CWF19L2: variants seen among roughly 807,000 people sequenced by gnomAD.
CWF19L2 encodes the protein CWF19-like protein 2.
In CWF19L2, 98 loss-of-function variants were observed where a neutral mutation model predicts 111.7. That is an observed-to-expected ratio of 0.88 (90% confidence interval 0.75 to 1.04). The LOEUF is 1.04. CWF19L2 is among the 50% of genes least tolerant of loss of function. CWF19L2 has a pLI of 0.00. For missense variants in CWF19L2, 1,101 were observed against 1,051.4 expected (o/e 1.05, Z -0.65); for synonymous variants, 351 against 342.9 (o/e 1.02, Z -0.26).
intron 10 of CWF19L2, among the ~76,000 whole-genome samples, chr11:107,397,654 C>A (rs1161723976): frequency 6.6e-6 from 1 of 152,080 alleles, no homozygotes; most frequent in East Asian, 1.9e-4. Flanking sequence ...CAGTCTCTCT[C>A]CACCCTACTA....
At chr11:107,396,079 T>C (rs112257624) in intron 10 of CWF19L2, among the ~76,000 whole-genome samples, 329 of 152,280 alleles carry the variant, frequency 2.2e-3, no homozygotes, top group South Asian at 6.2e-3. Context: ...GTTGCTCCAT[T>C]TTGGGTACGC....
At chr11:107,445,749 A>G (rs75683853) in intron 3 of CWF19L2, among the ~76,000 whole-genome samples, 1,534 of 152,246 alleles carry the variant, frequency 0.01, 23 homozygotes, top group African/African-American at 0.035. Context: ...CATTTAGAGT[A>G]ATATAAAGGG....
intron 10 of CWF19L2, among the ~76,000 whole-genome samples, chr11:107,415,343 C>T (rs1338420385): frequency 6.6e-6 from 1 of 152,156 alleles, no homozygotes; most frequent in Non-Finnish European, 1.5e-5. Flanking sequence ...TCCAAGCCAC[C>T]AACCCACCTG....
intron 16 of CWF19L2, among the ~76,000 whole-genome samples, chr11:107,333,925 C>T (rs192763001): frequency 5.9e-5 from 9 of 152,296 alleles, no homozygotes; most frequent in Non-Finnish European, 1.0e-4. Flanking sequence ...GCAGGTCATA[C>T]GTTCTCTGTA....
chr11:107,361,783 G>A (rs1164507631), intron 12 of CWF19L2, among the ~76,000 whole-genome samples: 3 of 152,196 alleles, frequency 2.0e-5, no homozygotes, highest in Non-Finnish European at 4.4e-5. Flanking sequence ...CACTGTTATG[G>A]TGTATAGAAA....
intron 10 of CWF19L2, chr11:107,403,689 C>T (rs975358233): frequency 5.1e-6 from 4 of 785,166 alleles, no homozygotes; most frequent in Non-Finnish European, 7.0e-6. Flanking sequence ...ATGATGCTGC[C>T]CTGACTGCAC....
chr11:107,331,820 A>G (rs1413492559), intron 16 of CWF19L2, among the ~76,000 whole-genome samples: 2 of 152,224 alleles, frequency 1.3e-5, no homozygotes, highest in Non-Finnish European at 2.9e-5. Context: ...TGCTGTCACA[A>G]GCTTCTCTAT....
At position 107,390,056 on chromosome 11, in the gene CWF19L2, C is replaced by T; in HGVS notation, c.1872+18G>A. The T allele has an allele frequency of 6.2e-7, 1 of 1,608,128 alleles. No homozygotes were observed. The highest frequency in any genetic ancestry group is 8.5e-7 in the Non-Finnish European group (1 of 1,176,982). On this transcript the variant is annotated intron_variant, in intron 12 of 17. Transcript: ENST00000282251. ...TCAGCTTCTCAAAATTCAGAGGTAT[C>T]CTAGGAATATATCTTACCTTAGATG...
At chr11:107,432,878 C>T (rs1861483964) in intron 7 of CWF19L2, among the ~76,000 whole-genome samples, 1 of 152,020 alleles carries the variant, frequency 6.6e-6, no homozygotes, top group Admixed American at 6.6e-5. Context: ...CAGCACAGTG[C>T]TATCTAACAA....
At chr11:107,367,491 G>C (rs1280497500) in intron 12 of CWF19L2, among the ~76,000 whole-genome samples, 3 of 130,416 alleles carry the variant, frequency 2.3e-5, no homozygotes, top group Non-Finnish European at 4.8e-5. Context: ...GGAATACTAT[G>C]CAGCCATAAA....
intron 10 of CWF19L2, among the ~76,000 whole-genome samples, chr11:107,415,209 T>G (rs866465743): frequency 9.2e-5 from 14 of 152,174 alleles, no homozygotes; most frequent in African/African-American, 2.9e-4. Context: ...TCTTTGGGCC[T>G]TTAAATCTCT....
intron 10 of CWF19L2, among the ~76,000 whole-genome samples, chr11:107,412,491 C>G (rs1861171134): frequency 1.3e-5 from 2 of 152,174 alleles, no homozygotes; most frequent in African/African-American, 4.8e-5. Flanking sequence ...CAGGTGCCCA[C>G]CACCATGCCC....
rs868721995 is a variant in CWF19L2, at chr11:107,372,156, G to A, written c.1872+17918C>T. 3.7e-5 allele frequency among the ~76,000 whole-genome samples: 5 copies of A among 134,460 alleles called. 2 individuals carry two copies. Among genetic ancestry groups the A allele is most frequent in the African/African-American group, 6.0e-5 (2 of 33,158 alleles). The allele number at this position is 134,460 out of a possible 152,430, so 88.2% of individuals were successfully genotyped here. A position where few individuals can be genotyped will look rare whatever the true frequency, so the allele number is the denominator to read the frequency against. ...ACTATACTAGATAGAATATATTGGT[G>A]AGCCAATCATATGAGACTTACAGAA... is the stretch of plus-strand genomic sequence containing the variant. On this transcript the variant is annotated intron_variant, in intron 12 of 17. Transcript: ENST00000282251.
intron 1 of CWF19L2, among the ~76,000 whole-genome samples, chr11:107,456,541 C>T (rs1861858073): frequency 6.6e-6 from 1 of 151,914 alleles, no homozygotes; most frequent in Non-Finnish European, 1.5e-5. Context: ...GCCCACTCTT[C>T]CCCTTTAAAA....
chr11:107,326,712 A>G lies in CWF19L2; in HGVS notation c.*198T>C. 1 of 433,576 alleles carries G rather than the reference A, an allele frequency of 2.3e-6. No homozygotes were observed. The highest frequency in any genetic ancestry group is 6.7e-5 in the South Asian group (1 of 14,916). 26.9% of individuals were successfully genotyped at this position (433,576 alleles called of 1,614,324 possible). A position where few individuals can be genotyped will look rare whatever the true frequency, so the allele number is the denominator to read the frequency against. On this transcript the variant is annotated 3_prime_UTR_variant, in exon 18 of 18. Transcript: ENST00000282251. Reference sequence around the variant, plus strand: ...GAATATATGTTTTTACTCCATGGTGACTAAAATGAAGTCCATAGATAGGAG... The same window carrying G: ...GAATATATGTTTTTACTCCATGGTGGCTAAAATGAAGTCCATAGATAGGAG...
chr11:107,425,381 T>A (rs910562929), intron 8 of CWF19L2, among the ~76,000 whole-genome samples: 1 of 151,926 alleles, frequency 6.6e-6, no homozygotes, highest in Admixed American at 6.6e-5. Flanking sequence ...TACTGGACCT[T>A]TTCTATGTTA....
chr11:107,425,309 G>A (rs537505974), intron 8 of CWF19L2, among the ~76,000 whole-genome samples: 18 of 151,796 alleles, frequency 1.2e-4, no homozygotes, highest in Admixed American at 9.2e-4. Flanking sequence ...ATAGCATAAC[G>A]ACGTTTCACT....
intron 12 of CWF19L2, among the ~76,000 whole-genome samples, chr11:107,380,029 A>G (rs1278118000): frequency 7.6e-6 from 1 of 132,274 alleles, no homozygotes; most frequent in African/African-American, 2.9e-5. Context: ...CCTGGGCGAC[A>G]GAGCGAGACA....
At chr11:107,351,555 T>C (rs1376006584) in intron 13 of CWF19L2, among the ~76,000 whole-genome samples, 2 of 152,194 alleles carry the variant, frequency 1.3e-5, no homozygotes, top group African/African-American at 4.8e-5. Context: ...AGTCATGAAA[T>C]GAACAGAACA....
Sources: gnomAD v4.1 joint callset for allele counts (sites outside exome capture counted in the v4.1 genomes callset) on GRCh38, gnomAD v4.1.1 for gene constraint, MANE v1.5 for transcripts, NCBI Gene and HGNC (gene_info 2026-07-23, HGNC 2026-07-21) for gene names.